MAML3: variants seen among roughly 807,000 people sequenced by gnomAD.
The protein encoded by MAML3 is mastermind-like protein 3.
In MAML3, 27 loss-of-function variants were observed where a neutral mutation model predicts 101.9. The ratio of observed to expected loss-of-function variants is 0.27; its 90% CI spans 0.20 to 0.37. The LOEUF is 0.37. Ranked by LOEUF, MAML3 falls within the 10% of genes least tolerant of loss-of-function variation. MAML3 has a pLI of 1.00. For synonymous variants in MAML3, 501 were observed against 555.9 expected, an observed-to-expected ratio of 0.90 and a Z score of 1.39; for missense variants, 1,316 against 1,444.9, an observed-to-expected ratio of 0.91 and a Z score of 1.45.
chr4:140,090,982 G>A lies in MAML3; in HGVS notation c.468+61878C>T, dbSNP rs143502843. On this transcript the variant is annotated intron_variant, in intron 1 of 4. Coordinates refer to ENST00000509479, the MANE Select transcript of MAML3 (RefSeq NM_018717.5). ...GGAGAATCACTTGAATCCAGGAGGC[G>A]GAGGTTGCAGTAAGCCAAGGTTGCG... 2.0e-3 allele frequency among the ~76,000 whole-genome samples: 301 copies of A among 152,218 alleles called. 1 individual carries two copies. Among genetic ancestry groups the A allele is most frequent in the African/African-American group, 6.9e-3 (288 of 41,530 alleles).
At chr4:139,727,663 T>C (rs751195498) in intron 3 of MAML3, among the ~76,000 whole-genome samples, 2 of 152,228 alleles carry the variant, frequency 1.3e-5, no homozygotes, top group Non-Finnish European at 2.9e-5. Flanking sequence ...AGAGGTTATG[T>C]GCTTTGAACT....
At chr4:139,861,477 A>ATTG (rs1553960820) in intron 2 of MAML3, among the ~76,000 whole-genome samples, 4,911 of 146,482 alleles carry the variant, frequency 0.034, 274 homozygotes, top group African/African-American at 0.12. Flanking sequence ...TAACCAGCCG[A>ATTG]TGTGTGTGTG....
intron 2 of MAML3, among the ~76,000 whole-genome samples, chr4:139,872,671 G>A (rs1482896703): frequency 6.6e-6 from 1 of 152,200 alleles, no homozygotes; most frequent in African/African-American, 2.4e-5. Flanking sequence ...CAGCACAGGG[G>A]ACAAAGGAAG....
chr4:139,890,175 G>T lies in MAML3; in HGVS notation c.1261C>A (p.Pro421Thr). 2 of 1,613,452 alleles carry T rather than the reference G, an allele frequency of 1.2e-6. No individual in the cohort carries two copies. Among genetic ancestry groups the T allele is most frequent in the Non-Finnish European group, 1.7e-6 (2 of 1,179,864 alleles). Residue 421 changes from proline (P) to threonine (T), a missense_variant, in exon 2 of 5, where the codon CCA (proline) becomes ACA (threonine). Physicochemically the swap from Pro to Thr is conservative, Grantham distance 38. Transcript: ENST00000509479. The surrounding 1 kb of genome is among the most constrained non-coding windows in gnomAD (Gnocchi z 4.1). ...TGGCCTGGAGTGTGGGCTTGGTTTG[G>T]AGTTTGAGGGGACTGGACAGCACAG... The part of the protein sequence containing the change: ...ANCAVQSPQT[P>T]NQAHTPGQAP...
At chr4:140,133,708 T>A (rs892622339) in intron 1 of MAML3, among the ~76,000 whole-genome samples, 3 of 152,176 alleles carry the variant, frequency 2.0e-5, no homozygotes, top group Non-Finnish European at 4.4e-5. Flanking sequence ...GGAAAACCTG[T>A]AGCAAAGGTA....
chr4:139,819,043 G>A (rs887050459), intron 2 of MAML3, among the ~76,000 whole-genome samples: 3 of 152,160 alleles, frequency 2.0e-5, no homozygotes, highest in African/African-American at 4.8e-5. Flanking sequence ...TGATCCGATA[G>A]GGGAGAGAAA....
At chr4:139,799,731 G>A (rs750058311) in intron 2 of MAML3, among the ~76,000 whole-genome samples, 1 of 152,108 alleles carries the variant, frequency 6.6e-6, no homozygotes, top group Non-Finnish European at 1.5e-5. Flanking sequence ...TCTATTCTGT[G>A]GAAACTCAAG....
chr4:139,874,688 T>C (rs1732074841), intron 2 of MAML3, among the ~76,000 whole-genome samples: 1 of 152,204 alleles, frequency 6.6e-6, no homozygotes, highest in Non-Finnish European at 1.5e-5. Flanking sequence ...ATGATTAATG[T>C]TTTTAATTTT....
At position 139,935,150 on chromosome 4, in the gene MAML3, C is replaced by T. The variant is rs114551235; in HGVS notation, c.469-44183G>A. On this transcript the variant is annotated intron_variant, in intron 1 of 4. Transcript: ENST00000509479. ...TCCTCAGCAAGGCACAGAACACAGC[C>T]GACTTCTCATGTAATTCAGCCTTCC... Among the ~76,000 whole-genome samples the T allele has an allele frequency of 3.0e-3, 448 of 151,818 alleles. 2 individuals are homozygous for T. The highest frequency in any genetic ancestry group is 0.01 in the African/African-American group (425 of 41,372).
At chr4:139,976,687 A>G (rs962645773) in intron 1 of MAML3, among the ~76,000 whole-genome samples, 3 of 152,232 alleles carry the variant, frequency 2.0e-5, no homozygotes, top group Non-Finnish European at 4.4e-5. Flanking sequence ...CTGCAAATTC[A>G]AATTTTACTA....
chr4:139,885,972 GT>G (rs1732331350), intron 2 of MAML3, among the ~76,000 whole-genome samples: 1 of 134,716 alleles, frequency 7.4e-6, no homozygotes, highest in Admixed American at 7.8e-5. Context: ...GAGAAAAAAA[GT>G]AAAGGGAATA....
At chr4:139,739,922 C>T (rs971570320) in intron 2 of MAML3, among the ~76,000 whole-genome samples, 6 of 151,988 alleles carry the variant, frequency 3.9e-5, no homozygotes, top group Non-Finnish European at 8.8e-5. Flanking sequence ...TCAAGAGGGG[C>T]CCAGGTTATG....
At chr4:139,828,313 CA>C (rs1288849234) in intron 2 of MAML3, among the ~76,000 whole-genome samples, 1 of 152,124 alleles carries the variant, frequency 6.6e-6, no homozygotes. Context: ...CAAAGCAAAA[CA>C]AAAAAATTCA....
intron 1 of MAML3, among the ~76,000 whole-genome samples, chr4:140,130,985 A>T (rs1385226471): frequency 6.6e-6 from 1 of 152,062 alleles, no homozygotes; most frequent in Non-Finnish European, 1.5e-5. Flanking sequence ...GGACCAGCAG[A>T]ATTAGGAAAA....
At chr4:139,833,646 G>A (rs1475939666) in intron 2 of MAML3, among the ~76,000 whole-genome samples, 1 of 152,232 alleles carries the variant, frequency 6.6e-6, no homozygotes, top group Non-Finnish European at 1.5e-5. Flanking sequence ...AGTTTACCAT[G>A]CAAGAATTTA....
chr4:139,819,899 A>G (rs1730947503), intron 2 of MAML3, among the ~76,000 whole-genome samples: 1 of 152,136 alleles, frequency 6.6e-6, no homozygotes. Context: ...GAACACACTA[A>G]TTTTCTTCCG....
intron 2 of MAML3, among the ~76,000 whole-genome samples, chr4:139,878,749 T>C (rs2604928): frequency 0.8 from 121,989 of 151,920 alleles, 49,412 homozygotes; most frequent in African/African-American, 0.91. Context: ...ATCCTTGATG[T>C]GATTGAGCAT....
At chr4:139,879,923 A>C (rs1360333625) in intron 2 of MAML3, among the ~76,000 whole-genome samples, 2 of 152,212 alleles carry the variant, frequency 1.3e-5, no homozygotes, top group Non-Finnish European at 2.9e-5. Context: ...CTGTAATCCC[A>C]GCACTTTGGG....
chr4:140,141,119 G>A (rs1157414618), intron 1 of MAML3, among the ~76,000 whole-genome samples: 1 of 152,176 alleles, frequency 6.6e-6, no homozygotes, highest in African/African-American at 2.4e-5. Flanking sequence ...TCTGGAGCCA[G>A]GTTGCTCCAG....
Sources: allele counts gnomAD v4.1 joint callset (sites outside exome capture counted in the v4.1 genomes callset), GRCh38; gene constraint gnomAD v4.1.1; non-coding constraint Gnocchi (gnomAD v3.1); transcripts MANE v1.5; gene names NCBI Gene and HGNC (gene_info 2026-07-23, HGNC 2026-07-21).